The following FGF13 variants were observed in gnomAD, a reference collection of about 807,000 sequenced individuals.
FGF13 encodes fibroblast growth factor 13.
FGF13 carries 2 observed loss-of-function variants against 19.5 expected under a neutral mutation model. The ratio of observed to expected loss-of-function variants is 0.10; its 90% CI spans 0.04 to 0.32. The LOEUF (loss-of-function observed/expected upper bound fraction) is 0.32, where lower values mean the gene tolerates loss of function less well. Among genes scored for constraint, FGF13 ranks in the 10% least tolerant of loss-of-function variants. The pLI is 1.00. For missense variants in FGF13, 113 were observed against 192.7 expected (o/e 0.59, Z 2.45); for synonymous variants, 72 against 76.9 (o/e 0.94, Z 0.33).
chrX:138,957,390 T>C (rs1446250861), intron 1 of FGF13, among the ~76,000 whole-genome samples: 1 of 111,943 alleles, frequency 8.9e-6, no homozygotes, highest in Non-Finnish European at 1.9e-5. Context: ...ATCAGACATA[T>C]GTGCAAATCA....
intron 1 of FGF13, among the ~76,000 whole-genome samples, chrX:139,072,196 G>A (rs1323105525): frequency 9.3e-6 from 1 of 107,907 alleles, no homozygotes; most frequent in African/African-American, 3.4e-5. Context: ...ATAAAAGTGG[G>A]GCCCTAATCC....
At position 138,745,513 on chromosome X, in the gene FGF13, A is replaced by G. The variant is rs2090349298; in HGVS notation, c.218-36585T>C. Reference sequence around the variant, plus strand: ...CAAGGCACCAACCCCGGCTTCAACAATTTCTTTTTCCTCTCAGGAGTTTCA... The same window carrying G: ...CAAGGCACCAACCCCGGCTTCAACAGTTTCTTTTTCCTCTCAGGAGTTTCA... On this transcript the variant is annotated intron_variant, in intron 3 of 6. Transcript: ENST00000436198. Among the ~76,000 whole-genome samples the G allele has an allele frequency of 2.7e-5, 3 of 112,016 alleles. No individual in the cohort carries two copies. The Admixed American group carries it at 2.8e-4, about 11-fold the overall frequency.
At chrX:138,886,636 GGTT>G (rs1424026058) in intron 1 of FGF13, among the ~76,000 whole-genome samples, 6 of 111,685 alleles carry the variant, frequency 5.4e-5, no homozygotes, top group African/African-American at 1.6e-4. Context: ...CCCTCCTCAG[GGTT>G]GTTGTGAGCA....
At chrX:138,694,526 C>T (rs1446090684) in intron 3 of FGF13, among the ~76,000 whole-genome samples, 11 of 104,360 alleles carry the variant, frequency 1.1e-4, no homozygotes, top group Non-Finnish European at 5.9e-5. Context: ...TCTTGGCTCA[C>T]TGCAAGCTCC....
chrX:138,920,979 C>CA (rs2066842521), intron 1 of FGF13, among the ~76,000 whole-genome samples: 2 of 111,891 alleles, frequency 1.8e-5, no homozygotes, highest in East Asian at 5.6e-4. Context: ...CCACTTACTT[C>CA]ATGTATACCC....
At chrX:139,087,352 G>T (rs73583207) in intron 1 of FGF13, among the ~76,000 whole-genome samples, 4,711 of 110,945 alleles carry the variant, frequency 0.042, 110 homozygotes, top group East Asian at 0.14. Context: ...AAATACAGAA[G>T]TAAGTTAAAA....
intron 3 of FGF13, among the ~76,000 whole-genome samples, chrX:138,692,988 G>T (rs1016827545): frequency 9.0e-6 from 1 of 110,782 alleles, no homozygotes; most frequent in Admixed American, 9.6e-5. Context: ...TAGTCTCCCT[G>T]ATTTCCCAGA....
chrX:138,821,296 C>T (rs1178239345), intron 3 of FGF13, among the ~76,000 whole-genome samples: 1 of 111,795 alleles, frequency 8.9e-6, no homozygotes, highest in African/African-American at 3.2e-5. Context: ...TAAAATGTAG[C>T]TAATGTGACC....
intron 3 of FGF13, among the ~76,000 whole-genome samples, chrX:138,789,905 C>T (rs772315062): frequency 2.8e-5 from 3 of 105,652 alleles, no homozygotes; most frequent in East Asian, 3.1e-4. Context: ...ATTAGCCGGG[C>T]GTAGTGGCAG....
At chrX:138,722,018 G>A (rs1164320321) in intron 1 of FGF13, among the ~76,000 whole-genome samples, 3 of 111,056 alleles carry the variant, frequency 2.7e-5, no homozygotes, top group Non-Finnish European at 3.8e-5. Flanking sequence ...TCTGGTTATT[G>A]TCACTGCTGA....
chrX:138,810,856 A>C (rs1447652374), intron 3 of FGF13, among the ~76,000 whole-genome samples: 2 of 112,131 alleles, frequency 1.8e-5, no homozygotes, highest in Admixed American at 9.4e-5. Flanking sequence ...GCTCATCATC[A>C]CTGGCCATCA....
At chrX:139,146,073 A>T (rs913942140) in intron 1 of FGF13, among the ~76,000 whole-genome samples, 26 of 111,696 alleles carry the variant, frequency 2.3e-4, no homozygotes, top group African/African-American at 7.1e-4. Flanking sequence ...GGACTTCATG[A>T]CTAAAACACC....
intron 1 of FGF13, among the ~76,000 whole-genome samples, chrX:138,875,475 G>A (rs1457219274): frequency 8.9e-6 from 1 of 111,764 alleles, no homozygotes; most frequent in African/African-American, 3.3e-5. Flanking sequence ...CACTTGTTAG[G>A]GGAAATGACA....
chrX:138,947,734 G>T (rs886632051), intron 1 of FGF13, among the ~76,000 whole-genome samples: 1 of 111,581 alleles, frequency 9.0e-6, no homozygotes, highest in African/African-American at 3.3e-5. Context: ...AAACTACGGG[G>T]CTGAACTGTC....
intron 3 of FGF13, among the ~76,000 whole-genome samples, chrX:138,758,831 C>T (rs2090447854): frequency 8.9e-6 from 1 of 112,259 alleles, no homozygotes; most frequent in Non-Finnish European, 1.9e-5. Context: ...AATAACAGCT[C>T]CACAATCAAT....
At chrX:139,084,684 A>T (rs2083392617) in intron 1 of FGF13, among the ~76,000 whole-genome samples, 1 of 112,161 alleles carries the variant, frequency 8.9e-6, no homozygotes. Context: ...CTTTATTCCC[A>T]GAAAAACATT....
chrX:139,171,816 A>G (rs2084135974), intron 1 of FGF13, among the ~76,000 whole-genome samples: 1 of 111,852 alleles, frequency 8.9e-6, no homozygotes, highest in Non-Finnish European at 1.9e-5. Context: ...AATAAGTTAG[A>G]ATGCTAATGA....
intron 1 of FGF13, among the ~76,000 whole-genome samples, chrX:138,966,177 C>T (rs5931523): frequency 1.8e-5 from 2 of 111,679 alleles, no homozygotes; most frequent in South Asian, 3.8e-4. Flanking sequence ...AGCCTCCCCC[C>T]ACCCCCACAG....
intron 1 of FGF13, among the ~76,000 whole-genome samples, chrX:139,005,753 A>C (rs1338711229): frequency 9.3e-6 from 1 of 108,025 alleles, no homozygotes; most frequent in African/African-American, 3.4e-5. Flanking sequence ...AACAAAAAAA[A>C]ACCAGAAATT....
Sources: allele counts gnomAD v4.1 joint callset (sites outside exome capture counted in the v4.1 genomes callset), GRCh38; gene constraint gnomAD v4.1.1; transcripts MANE v1.5; gene names NCBI Gene and HGNC (gene_info 2026-07-23, HGNC 2026-07-21).